FHOD3: variants seen among roughly 807,000 people sequenced by gnomAD.
FHOD3 encodes FH1/FH2 domain-containing protein 3.
FHOD3 carries 90 observed loss-of-function variants against 173.0 expected under a neutral mutation model. That is an observed-to-expected ratio of 0.52 (90% CI 0.44 to 0.62). The LOEUF (loss-of-function observed/expected upper bound fraction) is 0.62, where lower values mean the gene tolerates loss of function less well. FHOD3 is among the 20% of genes least tolerant of loss of function. The probability of loss-of-function intolerance (pLI) is 0.00; values close to 1 mark genes in which losing one functional copy is unlikely to be tolerated. For synonymous variants in FHOD3, 828 were observed against 823.0 expected, an observed-to-expected ratio of 1.01 and a Z score of -0.10; for missense variants, 1,945 against 2,034.7, an observed-to-expected ratio of 0.96 and a Z score of 0.85.
chr18:36,573,150 C>CTT (rs60486589), intron 5 of FHOD3, among the ~76,000 whole-genome samples: 5,544 of 140,708 alleles, frequency 0.039, 111 homozygotes, highest in Middle Eastern at 0.08. Context: ...TATTTTTGTT[C>CTT]TTTTTTTTTT....
intron 13 of FHOD3, among the ~76,000 whole-genome samples, chr18:36,657,516 A>G (rs777396741): frequency 1.3e-5 from 2 of 152,256 alleles, no homozygotes; most frequent in Admixed American, 1.3e-4. Flanking sequence ...GAAAACATGA[A>G]TACATGCACC....
chr18:36,319,835 A>C (rs947196502), intron 1 of FHOD3, among the ~76,000 whole-genome samples: 1 of 152,172 alleles, frequency 6.6e-6, no homozygotes, highest in Non-Finnish European at 1.5e-5. Flanking sequence ...TAAGAAACTC[A>C]CTCAAACCCA....
chr18:36,439,608 A>T (rs778693987), intron 3 of FHOD3, among the ~76,000 whole-genome samples: 2 of 150,274 alleles, frequency 1.3e-5, no homozygotes, highest in East Asian at 1.9e-4. Flanking sequence ...TTATGTGATT[A>T]TGAAGCCCAA....
At chr18:36,442,982 G>A (rs942558792) in intron 3 of FHOD3, among the ~76,000 whole-genome samples, 1 of 152,130 alleles carries the variant, frequency 6.6e-6, no homozygotes, top group African/African-American at 2.4e-5. Flanking sequence ...AGCTTGGTTT[G>A]TTTGATGTTT....
intron 8 of FHOD3, among the ~76,000 whole-genome samples, chr18:36,603,232 A>G (rs2031633512): frequency 1.3e-5 from 2 of 152,126 alleles, no homozygotes; most frequent in Admixed American, 6.5e-5. Context: ...ATACATTGTG[A>G]AAATCTAAAA....
Position 36,742,318 on chromosome 18 carries a change from G to T in FHOD3, c.3760-419G>T, listed in dbSNP as rs74988812. Among the ~76,000 whole-genome samples the T allele has an allele frequency of 5.9e-5, 9 of 152,242 alleles. No homozygotes were observed. The East Asian group carries it at 1.7e-3, about 29-fold the overall frequency. ...GTGGAGTGCCTTGAGGGGAGGAGGA[G>T]GCCTGGGGCAGTTCAGGGACATCGA... On this transcript the variant is annotated intron_variant, in intron 21 of 28. Transcript: ENST00000590592.
chr18:36,353,509 A>G (rs759178933), intron 1 of FHOD3, among the ~76,000 whole-genome samples: 25 of 151,646 alleles, frequency 1.6e-4, no homozygotes, highest in Non-Finnish European at 1.6e-4. Flanking sequence ...ATAGCAGATT[A>G]TCAAGCATTC....
intron 3 of FHOD3, among the ~76,000 whole-genome samples, chr18:36,475,603 A>G (rs1247684578): frequency 1.3e-5 from 2 of 152,182 alleles, no homozygotes; most frequent in East Asian, 1.9e-4. Flanking sequence ...AACATTCCCT[A>G]AAATAATTAG....
At chr18:36,447,964 G>T (rs1035323163) in intron 3 of FHOD3, among the ~76,000 whole-genome samples, 1 of 152,178 alleles carries the variant, frequency 6.6e-6, no homozygotes, top group Admixed American at 6.5e-5. Flanking sequence ...ACTGGGGAGA[G>T]AACATTGTGT....
intron 3 of FHOD3, among the ~76,000 whole-genome samples, chr18:36,377,495 A>G (rs1217234539): frequency 6.6e-6 from 1 of 152,210 alleles, no homozygotes; most frequent in East Asian, 1.9e-4. Flanking sequence ...GAATTTCCAT[A>G]AAAACTAGAG....
At chr18:36,450,027 C>CTATA (rs1568286441) in intron 3 of FHOD3, among the ~76,000 whole-genome samples, 2 of 152,154 alleles carry the variant, frequency 1.3e-5, no homozygotes, top group East Asian at 3.9e-4. Flanking sequence ...ATCACTGGAG[C>CTATA]GGTATACACT....
At position 36,443,461 on chromosome 18, in the gene FHOD3, G is replaced by C. The variant is rs143898765; in HGVS notation, c.338-58471G>C. The stretch of plus-strand genomic sequence containing the variant: ...TCAAATTGTTCCAGATTTGACCATT[G>C]GTAGATCTTTAAAGTTGATTCTTGT... On this transcript the variant is annotated intron_variant, in intron 3 of 28. Transcript: ENST00000590592. Among the ~76,000 whole-genome samples, 21 of 152,234 alleles carry C rather than the reference G, an allele frequency of 1.4e-4. No homozygotes were observed. The East Asian group carries it at 3.9e-3, about 28-fold the overall frequency.
At chr18:36,757,538 A>AC (rs2042683151) in intron 25 of FHOD3, among the ~76,000 whole-genome samples, 2 of 152,256 alleles carry the variant, frequency 1.3e-5, no homozygotes, top group Admixed American at 6.5e-5. Flanking sequence ...AGAATCACGG[A>AC]CCCCCTGAAC....
chr18:36,481,255 C>T (rs1351895888), intron 3 of FHOD3, among the ~76,000 whole-genome samples: 2 of 152,156 alleles, frequency 1.3e-5, no homozygotes, highest in Admixed American at 6.5e-5. Context: ...GGAATTTCTG[C>T]AGGCGGCTAT....
In FHOD3 at chr18:36,691,193, T is replaced by A. The variant is rs989777040; in HGVS notation, c.2022-2016T>A. Among the ~76,000 whole-genome samples the A allele has an allele frequency of 4.6e-5, 7 of 152,194 alleles. No individual in the cohort carries two copies. In the East Asian group the frequency reaches 1.4e-3, roughly 29 times the overall value. On this transcript the variant is annotated intron_variant, in intron 16 of 28. Coordinates refer to ENST00000590592, the MANE Select transcript of FHOD3 (RefSeq NM_001281740.3). ...GCATGCAGAAGGCCAGGACCAGGAA[T>A]GAGCCAGCAAAAATGAATGCAGCAA...
At position 36,582,520 on chromosome 18, in the gene FHOD3, G is replaced by A. The variant is rs1599746354; in HGVS notation, c.606+5975G>A. Among the ~76,000 whole-genome samples, 3 of 152,156 alleles carry A rather than the reference G, an allele frequency of 2.0e-5. 1 individual carries two copies. The highest frequency in any genetic ancestry group is 4.2e-4 in the South Asian group (2 of 4,818). On this transcript the variant is annotated intron_variant, in intron 6 of 28. Transcript: ENST00000590592. ...AATTGGTGGAAAGCCTTCCTTTTTC[G>A]GACATGCATTACCTGTCATTAACCA...
intron 3 of FHOD3, among the ~76,000 whole-genome samples, chr18:36,433,485 C>G (rs1032018129): frequency 1.3e-5 from 2 of 152,164 alleles, no homozygotes; most frequent in Non-Finnish European, 2.9e-5. Context: ...AATAGGTTAA[C>G]AAATTTATTC....
At chr18:36,369,675 G>A (rs1293893257) in intron 2 of FHOD3, among the ~76,000 whole-genome samples, 1 of 151,930 alleles carries the variant, frequency 6.6e-6, no homozygotes, top group Non-Finnish European at 1.5e-5. Context: ...TAAGGGATGA[G>A]TCTTATATGG....
In FHOD3 at chr18:36,693,278, G is replaced by A; in HGVS notation, c.2091G>A (p.Arg697=). 3 of 1,613,816 alleles carry A rather than the reference G, an allele frequency of 1.9e-6. No individual in the cohort carries two copies. The highest frequency in any genetic ancestry group is 1.3e-5 in the African/African-American group (1 of 75,046). The change falls in exon 17 of 29, where the codon CGG becomes CGA. Residue 697 remains arginine, a synonymous_variant. Transcript: ENST00000590592. ...AGCTGAGAAGCCGGAGTGTGAGCCG[G>A]GGCAGAGCCGACCTCTCCTTGGACC... is the stretch of plus-strand genomic sequence containing the variant. ...EKELRSRSVS[R]GRADLSLDLT... is the part of the protein sequence containing the mutation.
Sources: gnomAD v4.1 joint callset for allele counts (sites outside exome capture counted in the v4.1 genomes callset) on GRCh38, gnomAD v4.1.1 for gene constraint, MANE v1.5 for transcripts, NCBI Gene and HGNC (gene_info 2026-07-23, HGNC 2026-07-21) for gene names.